The following WDHD1 variants were observed in gnomAD, a reference collection of about 807,000 sequenced individuals.
WDHD1 encodes the protein WD repeat and HMG-box DNA binding protein 1, also known as WD repeat and HMG-box DNA-binding protein 1.
Under a neutral mutation model 135.4 loss-of-function variants are expected in WDHD1, and 111 were observed. The observed-to-expected ratio is 0.82, with a 90% CI of 0.70 to 0.96. The LOEUF (loss-of-function observed/expected upper bound fraction) is 0.96, where lower values mean the gene tolerates loss of function less well. Among genes scored for constraint, WDHD1 ranks in the 40% least tolerant of loss-of-function variants. The probability of loss-of-function intolerance (pLI) is 0.00; values close to 1 mark genes in which losing one functional copy is unlikely to be tolerated. For missense variants in WDHD1, 1,351 were observed against 1,336.3 expected (o/e 1.01, Z -0.17); for synonymous variants, 434 against 439.0 (o/e 0.99, Z 0.14).
chr14:54,997,527 T>C (rs17128117), intron 10 of WDHD1, among the ~76,000 whole-genome samples: 4,290 of 152,224 alleles, frequency 0.028, 191 homozygotes, highest in African/African-American at 0.098. Flanking sequence ...AATAACTAAG[T>C]GCTATAAGAA....
intron 3 of WDHD1, 77 bp from the exon 4 acceptor site, chr14:55,010,537 C>T (rs530473147): frequency 1.1e-4 from 137 of 1,235,862 alleles, no homozygotes; most frequent in African/African-American, 9.8e-4. Flanking sequence ...GTTAAAAATC[C>T]GGTAAAAAAC....
intron 5 of WDHD1, 88 bp downstream of exon 5, chr14:55,008,520 T>C: frequency 6.9e-7 from 1 of 1,457,576 alleles, no homozygotes; most frequent in Non-Finnish European, 9.3e-7. Flanking sequence ...AAAGTTGAGT[T>C]AGCAGAAAAT....
intron 16 of WDHD1, among the ~76,000 whole-genome samples, chr14:54,971,010 A>T (rs1475878497): frequency 6.6e-6 from 1 of 152,182 alleles, no homozygotes; most frequent in Non-Finnish European, 1.5e-5. Context: ...TACTCAATAA[A>T]TGGTGCTGAG....
chr14:54,983,411 G>A (rs1308658226), intron 15 of WDHD1, among the ~76,000 whole-genome samples: 1 of 151,528 alleles, frequency 6.6e-6, no homozygotes, highest in Non-Finnish European at 1.5e-5. Context: ...GGTGGCTCAC[G>A]CCTGTAATCC....
intron 16 of WDHD1, among the ~76,000 whole-genome samples, chr14:54,977,498 G>C (rs2041544083): frequency 6.6e-6 from 1 of 152,098 alleles, no homozygotes; most frequent in Non-Finnish European, 1.5e-5. Context: ...GTTAGTTCAA[G>C]AAAAGCCTAG....
intron 12 of WDHD1, among the ~76,000 whole-genome samples, chr14:54,989,767 C>T (rs943345894): frequency 1.3e-5 from 2 of 151,496 alleles, no homozygotes; most frequent in Non-Finnish European, 2.9e-5. Flanking sequence ...TCAAGTGATT[C>T]TCCTCCCTCA....
intron 2 of WDHD1, among the ~76,000 whole-genome samples, chr14:55,019,883 C>T (rs2042317685): frequency 6.6e-6 from 1 of 152,106 alleles, no homozygotes; most frequent in South Asian, 2.1e-4. Flanking sequence ...AAAAAGAAAT[C>T]CGCTATCAGT....
intron 21 of WDHD1, among the ~76,000 whole-genome samples, chr14:54,961,106 G>A (rs2041244496): frequency 1.3e-5 from 2 of 152,106 alleles, no homozygotes; most frequent in East Asian, 3.9e-4. Flanking sequence ...CACCTGGCCA[G>A]TAGTCTATTA....
chr14:55,022,329 G>A (rs1390456229), intron 2 of WDHD1, among the ~76,000 whole-genome samples: 3 of 152,124 alleles, frequency 2.0e-5, no homozygotes, highest in African/African-American at 7.2e-5. Flanking sequence ...TGGCAGTTCT[G>A]ATCACAAATC....
intron 24 of WDHD1, among the ~76,000 whole-genome samples, chr14:54,954,070 A>G (rs2140157362): frequency 6.6e-6 from 1 of 152,196 alleles, no homozygotes; most frequent in South Asian, 2.1e-4. Flanking sequence ...ATATGTAACA[A>G]ACCTGAATGT....
chr14:54,957,206 T>C lies in WDHD1; in HGVS notation c.2746-2A>G. ...TGGTTCTTTGGAACTGGCTGATACC[T>C]AAAGAGCAAACTAGTGTTAGCACTG... On this transcript the variant is annotated splice_acceptor_variant, in intron 22 of 25. Transcript: ENST00000360586. LOFTEE classifies it high-confidence loss of function. 6.2e-7 allele frequency: 1 copy of C among 1,612,972 alleles called. No individual in the cohort carries two copies. Among genetic ancestry groups the C allele is most frequent in the South Asian group, 1.1e-5 (1 of 90,860 alleles).
chr14:54,957,194 C>G lies in WDHD1; in HGVS notation c.2756G>C (p.Ser919Thr), dbSNP rs1183749065. The change falls in exon 23 of 26, where the codon AGT becomes ACT. Residue 919 changes from serine (S) to threonine (T), a missense_variant. Around this residue, in one of 2 missense-constraint regions of WDHD1, gnomAD observed 1,330 missense variants for 1,296.1 expected, o/e 1.03. Coordinates refer to ENST00000360586, the MANE Select transcript of WDHD1 (RefSeq NM_007086.4). ...CATTGACATGGCTGGTTCTTTGGAA[C>G]TGGCTGATACCTAAAGAGCAAACTA... ...GRVNPFKVSA[S>T]SKEPAMSMNS... The G allele has an allele frequency of 6.2e-7, 1 of 1,613,602 alleles. No individual in the cohort carries two copies. Among genetic ancestry groups the G allele is most frequent in the Non-Finnish European group, 8.5e-7 (1 of 1,179,788 alleles).
chr14:55,021,041 G>A (rs926823447), intron 2 of WDHD1, among the ~76,000 whole-genome samples: 4 of 152,188 alleles, frequency 2.6e-5, no homozygotes, highest in Admixed American at 6.5e-5. Flanking sequence ...GGAAGAGGGG[G>A]AGGAAGTAGA....
chr14:54,988,694 GT>G (rs987751310), intron 13 of WDHD1, among the ~76,000 whole-genome samples: 3 of 149,126 alleles, frequency 2.0e-5, no homozygotes, highest in South Asian at 2.1e-4. Flanking sequence ...CTGTATACTG[GT>G]TTTTTTTCTT....
Position 54,981,563 on chromosome 14 carries a change from G to T in WDHD1, c.2040C>A (p.Ile680=). 6.2e-7 allele frequency: 1 copy of T among 1,610,856 alleles called. No individual in the cohort carries two copies. The highest frequency in any genetic ancestry group is 8.5e-7 in the Non-Finnish European group (1 of 1,178,954). ...ACCTTAGTTGCTGGGGATTTTCATG[G>T]ATACCAACCACCCAGTAGTGATCAG... ...GKSDHYWVVG[I]HENPQQLRCI... is the part of the protein sequence containing the mutation. The change falls in exon 16 of 26, where the codon ATC becomes ATA. Residue 680 remains isoleucine, a synonymous_variant. Transcript: ENST00000360586.
chr14:55,005,157 G>C (rs931602128), intron 7 of WDHD1: 1 of 536,814 alleles, frequency 1.9e-6, no homozygotes, highest in Non-Finnish European at 3.7e-6. Context: ...TCCTGGATCG[G>C]CATCCACCAC....
chr14:54,951,841 CAAAT>C (rs1453855453), intron 24 of WDHD1, among the ~76,000 whole-genome samples: 7 of 152,144 alleles, frequency 4.6e-5, no homozygotes, highest in African/African-American at 7.2e-5. Flanking sequence ...TCAACATTCG[CAAAT>C]AAATAAACGT....
Position 55,013,571 on chromosome 14 carries a change from C to T in WDHD1, c.103G>A (p.Gly35Ser). The T allele has an allele frequency of 6.2e-7, 1 of 1,613,850 alleles. No homozygotes were observed. Among genetic ancestry groups the T allele is most frequent in the African/African-American group, 1.3e-5 (1 of 74,992 alleles). ...GSFIVTCGSD[G>S]DVRIWEDLDD... Reference sequence around the variant, plus strand: ...AAGTCTTCCCAAATCCTCACATCACCATCACTTCCACAAGTCACAATAAAA... The same window carrying T: ...AAGTCTTCCCAAATCCTCACATCACTATCACTTCCACAAGTCACAATAAAA... The change falls in exon 3 of 26, where the codon GGT becomes AGT. Residue 35 changes from glycine (G) to serine (S), a missense_variant. Gly to Ser is a moderately conservative substitution (Grantham distance 56). Around this residue, in one of 2 missense-constraint regions of WDHD1, gnomAD observed 1,330 missense variants for 1,296.1 expected, o/e 1.03. Transcript: ENST00000360586.
intron 4 of WDHD1, among the ~76,000 whole-genome samples, chr14:55,009,087 G>C (rs974333557): frequency 6.6e-6 from 1 of 152,058 alleles, no homozygotes; most frequent in Non-Finnish European, 1.5e-5. Context: ...GAGCCACTAC[G>C]CCTGTCCAAG....
Sources: gnomAD v4.1 joint callset for allele counts (sites outside exome capture counted in the v4.1 genomes callset) on GRCh38, gnomAD v4.1.1 for gene constraint, gnomAD v4.1.1 regional missense constraint, MANE v1.5 for transcripts, NCBI Gene and HGNC (gene_info 2026-07-23, HGNC 2026-07-21) for gene names.